The following ZNF316 variants were observed in gnomAD, a reference collection of about 807,000 sequenced individuals.
ZNF316 encodes zinc finger protein 316.
A neutral mutation model predicts 75.6 loss-of-function variants in ZNF316; 23 were observed. That is an observed-to-expected ratio of 0.30 (90% CI 0.22 to 0.43). ZNF316 has a LOEUF of 0.43. Ranked by LOEUF, ZNF316 falls within the 20% of genes least tolerant of loss-of-function variation. The pLI is 1.00. For synonymous variants in ZNF316, 827 were observed against 666.2 expected (o/e 1.24, Z -3.72); for missense variants, 1,266 against 1,409.4 (o/e 0.90, Z 1.63).
In ZNF316 at chr7:6,654,035, G is replaced by A. The variant is rs1371844412; in HGVS notation, c.2439G>A (p.Gly813=). The A allele has an allele frequency of 1.0e-5, 12 of 1,198,292 alleles. No homozygotes were observed. The highest frequency in any genetic ancestry group is 1.0e-5 in the Non-Finnish European group (10 of 966,664). 74.2% of individuals were successfully genotyped at this position (1,198,292 alleles called of 1,614,324 possible). The change falls in exon 9 of 9, where the codon GGG becomes GGA. Residue 813 remains glycine (G), a synonymous_variant. Coordinates refer to ENST00000382252, the MANE Select transcript of ZNF316 (RefSeq NM_001278559.2). ...GTGGAGAGTGCGGCCGGCGCTTCGG[G>A]CAGAGCGCGGCGCTGACGCGGCATC... The part of the protein sequence containing the change: ...YACGECGRRF[G]QSAALTRHQW...
rs1396695566 is a variant in ZNF316, at chr7:6,640,846, G to T, written c.-166-979G>T. On this transcript the variant is annotated intron_variant, in intron 3 of 8. Transcript: ENST00000382252. This position sits in a 1 kb window ranked among gnomAD's most constrained non-coding sequence, Gnocchi z 5.1. ...GATCTGGTTGTTTTAAAAGAGTGGG[G>T]CTTCCTCCCTCTCTCTTGCTGCCCC... Among the ~76,000 whole-genome samples the T allele has an allele frequency of 6.6e-6, 1 of 152,210 alleles. No homozygotes were observed. Among genetic ancestry groups the T allele is most frequent in the Non-Finnish European group, 1.5e-5 (1 of 68,040 alleles).
In ZNF316 at chr7:6,653,673, T is replaced by C; in HGVS notation, c.2077T>C (p.Cys693Arg). 1 of 1,079,336 alleles carries C rather than the reference T, an allele frequency of 9.3e-7. No individual in the cohort carries two copies. The highest frequency in any genetic ancestry group is 1.1e-6 in the Non-Finnish European group (1 of 888,758). The allele number at this position is 1,079,336 out of a possible 1,614,324, so 66.9% of individuals were successfully genotyped here. ...ALAEEESPWICSDCGKTFGRR... is the reference protein window; with the variant it reads ...ALAEEESPWIRSDCGKTFGRR... ...GGCGGAGGAGGAGAGCCCGTGGATCTGCTCGGACTGCGGCAAGACGTTTGG... is the reference window on the plus strand; with the variant it reads ...GGCGGAGGAGGAGAGCCCGTGGATCCGCTCGGACTGCGGCAAGACGTTTGG... Residue 693 changes from cysteine to arginine, a missense_variant, in exon 9 of 9, where the codon TGC (cysteine) becomes CGC (arginine). Cys to Arg is a radical substitution (Grantham distance 180). Coordinates refer to ENST00000382252, the MANE Select transcript of ZNF316 (RefSeq NM_001278559.2).
intron 2 of ZNF316, among the ~76,000 whole-genome samples, chr7:6,638,797 T>C (rs1488159163): frequency 1.3e-5 from 2 of 152,110 alleles, no homozygotes; most frequent in Non-Finnish European, 1.5e-5. Context: ...GGATTGATGC[T>C]GATGAGACCC....
chr7:6,642,457 G>A lies in ZNF316; in HGVS notation c.48G>A (p.Glu16=). 8.1e-7 allele frequency: 1 copy of A among 1,232,600 alleles called. No individual in the cohort carries two copies. The highest frequency in any genetic ancestry group is 1.0e-6 in the Non-Finnish European group (1 of 988,150). 76.4% of individuals were successfully genotyped at this position (1,232,600 alleles called of 1,614,324 possible). ...CCGACTCCCCAGCTGCCCAGCTGGA[G>A]CGGGCAGAGGACGGGTCAGAGTGCG... ...TTPDSPAAQL[E]RAEDGSECDP... Residue 16 remains glutamate, a synonymous_variant, in exon 5 of 9, where the codon GAG becomes GAA. Transcript: ENST00000382252. This position sits in a 1 kb window ranked among gnomAD's most constrained non-coding sequence, Gnocchi z 8.1.
In ZNF316 at chr7:6,652,496, C is replaced by T; in HGVS notation, c.900C>T (p.Asp300=). The part of the protein sequence containing the change: ...SAQTPEGWGP[D]PGGLGVLADG... ...AGACTCCAGAGGGGTGGGGACCCGA[C>T]CCAGGCGGCCTGGGGGTCCTGGCCG... The change falls in exon 9 of 9, where the codon GAC becomes GAT. Residue 300 remains aspartate, a synonymous_variant. Transcript: ENST00000382252. 6.5e-6 allele frequency: 8 copies of T among 1,231,452 alleles called. No homozygotes were observed. Among genetic ancestry groups the T allele is most frequent in the Non-Finnish European group, 8.1e-6 (8 of 987,640 alleles). The allele number at this position is 1,231,452 out of a possible 1,614,324, so 76.3% of individuals were successfully genotyped here.
rs1216909587 is a variant in ZNF316 at position 6,653,570 on chromosome 7, C to T, written c.1974C>T (p.Ala658=). Residue 658 remains alanine (A), a synonymous_variant, in exon 9 of 9, where the codon GCC becomes GCT. Transcript: ENST00000382252. ...GCGACCCTTTCGGCGGCGGCGGGGCCGCGGGCGGCGGAGGCGGCCTGCGCG... is the reference window on the plus strand; with the variant it reads ...GCGACCCTTTCGGCGGCGGCGGGGCTGCGGGCGGCGGAGGCGGCCTGCGCG... ...LACDPFGGGG[A]AGGGGGLRAF... 4 of 1,111,696 alleles carry T rather than the reference C, an allele frequency of 3.6e-6. No individual in the cohort carries two copies. Among genetic ancestry groups the T allele is most frequent in the Non-Finnish European group, 3.3e-6 (3 of 910,748 alleles). 68.9% of individuals were successfully genotyped at this position (1,111,696 alleles called of 1,614,324 possible).
At chr7:6,646,415 C>T (rs1398596838) in intron 8 of ZNF316, among the ~76,000 whole-genome samples, 3 of 152,190 alleles carry the variant, frequency 2.0e-5, no homozygotes, top group African/African-American at 7.2e-5. Context: ...TGCTCCTGTT[C>T]TCTGTGCCTC....
chr7:6,645,607 C>T (rs978804466), intron 8 of ZNF316, among the ~76,000 whole-genome samples: 1 of 150,316 alleles, frequency 6.7e-6, no homozygotes, highest in Non-Finnish European at 1.5e-5. Context: ...TGGCTTGAAC[C>T]CGGGAGGCAG....
At chr7:6,644,674 T>C in intron 8 of ZNF316, 81 bp downstream of exon 8, 2 of 719,946 alleles carry the variant, frequency 2.8e-6, no homozygotes, top group African/African-American at 1.8e-5. Flanking sequence ...CTGCGCTCTC[T>C]GCAGACCTGG....
intron 7 of ZNF316, 98 bp from the exon 8 acceptor site, chr7:6,644,382 T>C (rs2115310486): frequency 3.6e-6 from 2 of 556,826 alleles, no homozygotes; most frequent in Non-Finnish European, 2.7e-6. Context: ...GCTGGGAAGA[T>C]GGAGGTGGAG....
chr7:6,645,162 A>T (rs533226027), intron 8 of ZNF316, among the ~76,000 whole-genome samples: 2 of 152,050 alleles, frequency 1.3e-5, no homozygotes, highest in Admixed American at 6.6e-5. Flanking sequence ...TGCTCCTTCA[A>T]CTCTAAGGCC....
chr7:6,652,842 C>G lies in ZNF316; in HGVS notation c.1246C>G (p.Leu416Val). The G allele has an allele frequency of 8.0e-7, 1 of 1,253,288 alleles. No individual in the cohort carries two copies. The highest frequency in any genetic ancestry group is 1.0e-6 in the Non-Finnish European group (1 of 998,488). 77.6% of individuals were successfully genotyped at this position (1,253,288 alleles called of 1,614,324 possible). Reference sequence around the variant, plus strand: ...CAAGCGCTTCGTCTACAAGTCGCACCTGGTTACGCACCGACGCATCCATAC... The same window carrying G: ...CAAGCGCTTCGTCTACAAGTCGCACGTGGTTACGCACCGACGCATCCATAC... Reference protein sequence around the residue: ...CGKRFVYKSHLVTHRRIHTGE... With the variant: ...CGKRFVYKSHVVTHRRIHTGE... Residue 416 changes from leucine (L) to valine (V), a missense_variant, in exon 9 of 9, where the codon CTG (leucine) becomes GTG (valine). Physicochemically the swap from Leu to Val is conservative, Grantham distance 32. Transcript: ENST00000382252.
In ZNF316 at chr7:6,656,249, C is replaced by T. The variant is rs1455090521; in HGVS notation, c.*1638C>T. 1.3e-5 allele frequency: 2 copies of T among 152,254 alleles called. No homozygotes were observed. Among genetic ancestry groups the T allele is most frequent in the African/African-American group, 4.8e-5 (2 of 41,404 alleles). 9.4% of individuals were successfully genotyped at this position (152,254 alleles called of 1,614,324 possible). On this transcript the variant is annotated 3_prime_UTR_variant, in exon 9 of 9. Transcript: ENST00000382252. ...TAATGACCTCGGCCCTGGGTTTCTC[C>T]TCTCCCTGCGGGACAGGAGCCTCAG... is the stretch of plus-strand genomic sequence containing the variant.
rs895411276 is a variant in ZNF316, at chr7:6,652,982, C to T, written c.1386C>T (p.Cys462=). The T allele has an allele frequency of 7.3e-6, 9 of 1,233,990 alleles. No individual in the cohort carries two copies. In the African/African-American group the frequency reaches 1.1e-4, roughly 15 times the overall value. The allele number at this position is 1,233,990 out of a possible 1,614,324, so 76.4% of individuals were successfully genotyped here. The change falls in exon 9 of 9, where the codon TGC becomes TGT. Residue 462 remains cysteine, a synonymous_variant. Coordinates refer to ENST00000382252, the MANE Select transcript of ZNF316 (RefSeq NM_001278559.2). ...TGERPYPCSH[C]GRSFSQSSAL... is the part of the protein sequence containing the mutation. ...AGCGACCCTACCCGTGTTCGCACTG[C>T]GGCCGCAGCTTCAGCCAGAGCTCGG...
chr7:6,638,448 C>G (rs1470413722), intron 2 of ZNF316, among the ~76,000 whole-genome samples: 1 of 152,280 alleles, frequency 6.6e-6, no homozygotes, highest in African/African-American at 2.4e-5. Context: ...AAGCACACCC[C>G]CACATCTCCC....
intron 7 of ZNF316, 147 bp from the exon 8 acceptor site, chr7:6,644,333 C>T (rs554444069): frequency 3.8e-4 from 159 of 423,360 alleles, no homozygotes; most frequent in Non-Finnish European, 5.4e-4. Context: ...GGGAAGGGAC[C>T]GCCTGGACCC....
At chr7:6,638,399 A>T (rs1779256851) in intron 2 of ZNF316, among the ~76,000 whole-genome samples, 1 of 152,172 alleles carries the variant, frequency 6.6e-6, no homozygotes, top group Non-Finnish European at 1.5e-5. Flanking sequence ...CTCTGAGGGC[A>T]GCGGGGGCCA....
At chr7:6,652,098 G>A (rs1478396628) in intron 8 of ZNF316, among the ~76,000 whole-genome samples, 2 of 152,212 alleles carry the variant, frequency 1.3e-5, no homozygotes, top group African/African-American at 4.8e-5. Context: ...GCTGGGGGCG[G>A]CGGCTTTCCT....
At chr7:6,649,042 T>C (rs1779459484) in intron 8 of ZNF316, among the ~76,000 whole-genome samples, 1 of 152,124 alleles carries the variant, frequency 6.6e-6, no homozygotes, top group African/African-American at 2.4e-5. Context: ...CATCAGCTCC[T>C]GTCACCTGCC....
Sources: gnomAD v4.1 joint callset for allele counts (sites outside exome capture counted in the v4.1 genomes callset) on GRCh38, gnomAD v4.1.1 for gene constraint, Gnocchi (gnomAD v3.1) non-coding constraint, MANE v1.5 for transcripts, NCBI Gene and HGNC (gene_info 2026-07-23, HGNC 2026-07-21) for gene names.